AGMO: variants seen among roughly 807,000 people sequenced by gnomAD.
AGMO encodes the protein alkylglycerol monooxygenase.
A neutral mutation model predicts 60.2 loss-of-function variants in AGMO; 75 were observed. That is an observed-to-expected ratio of 1.25 (90% CI 1.03 to 1.51). AGMO has a LOEUF of 1.51. Ranked by LOEUF, AGMO falls within the 40% of genes most tolerant of loss-of-function variation. AGMO has a pLI of 0.00. For missense variants in AGMO, 763 were observed against 525.5 expected (o/e 1.45, Z -4.42); for synonymous variants, 261 against 177.1 (o/e 1.47, Z -3.76).
chr7:15,177,323 C>T, the AGMO span, among the ~76,000 whole-genome samples: 56,259 of 151,606 alleles, frequency 0.37, 11,104 homozygotes, highest in Middle Eastern at 0.47. Context: ...TTCTCTCTGG[C>T]CTTTATTTCT....
intron 12 of AGMO, among the ~76,000 whole-genome samples, chr7:15,202,487 A>AAAAAAAAAAAAAAAC (rs1781322160): frequency 7.2e-6 from 1 of 139,366 alleles, no homozygotes; most frequent in African/African-American, 2.7e-5. Context: ...AAAAAAAAAA[A>AAAAAAAAAAAAAAAC]AACCCTCCCA....
chr7:15,173,582 C>A, the AGMO span, among the ~76,000 whole-genome samples: 3 of 151,462 alleles, frequency 2.0e-5, no homozygotes, highest in Non-Finnish European at 4.4e-5. Context: ...GAAGACAATA[C>A]AATAAAAAAC....
chr7:15,436,647 G>C (rs1261459512), intron 3 of AGMO, among the ~76,000 whole-genome samples: 1 of 152,062 alleles, frequency 6.6e-6, no homozygotes, highest in Non-Finnish European at 1.5e-5. Flanking sequence ...AAATAAAATT[G>C]AAAGTAAGAA....
rs558464779 is a variant in AGMO, at chr7:15,343,566, T to C, written c.1263+21948A>G. ...GACTTATTACTATCAGGTATAGAAA[T>C]ATAATTTGAAAGATCAAATTACAAG... is the stretch of plus-strand genomic sequence containing the variant. On this transcript the variant is annotated intron_variant, in intron 12 of 12. Transcript: ENST00000342526. Among the ~76,000 whole-genome samples the C allele has an allele frequency of 1.0e-3, 154 of 152,154 alleles. 1 individual carries two copies. Among genetic ancestry groups the C allele is most frequent in the Non-Finnish European group, 1.8e-3 (124 of 68,002 alleles).
At chr7:15,414,626 A>G (rs968280509) in intron 5 of AGMO, among the ~76,000 whole-genome samples, 2 of 152,154 alleles carry the variant, frequency 1.3e-5, no homozygotes, top group African/African-American at 4.8e-5. Context: ...AAGAAAAAAA[A>G]TAGCACAAAT....
At chr7:15,203,086 G>A (rs941362348) in intron 12 of AGMO, among the ~76,000 whole-genome samples, 2 of 152,076 alleles carry the variant, frequency 1.3e-5, no homozygotes, top group African/African-American at 4.8e-5. Flanking sequence ...AGTCTTTATT[G>A]GTTACAAGGA....
Position 15,361,400 on chromosome 7 carries a change from C to T in AGMO, c.1263+4114G>A, listed in dbSNP as rs181545674. Among the ~76,000 whole-genome samples, 57 of 151,446 alleles carry T rather than the reference C, an allele frequency of 3.8e-4. No individual in the cohort carries two copies. In the East Asian group the frequency reaches 9.5e-3, roughly 25 times the overall value. On this transcript the variant is annotated intron_variant, in intron 12 of 12. Coordinates refer to ENST00000342526, the MANE Select transcript of AGMO (RefSeq NM_001004320.2). ...TAAAAATACAAAAAAATTAGCCGGGCGTGGTGGCGGGCACCTGTAGTCCCA... is the reference window on the plus strand; with the variant it reads ...TAAAAATACAAAAAAATTAGCCGGGTGTGGTGGCGGGCACCTGTAGTCCCA...
intron 3 of AGMO, among the ~76,000 whole-genome samples, chr7:15,543,430 C>A (rs1231767567): frequency 6.6e-6 from 1 of 152,110 alleles, no homozygotes; most frequent in African/African-American, 2.4e-5. Context: ...TGAACCAGTG[C>A]AGTAAGAGGG....
chr7:15,201,996 T>C (rs977518956), intron 12 of AGMO, among the ~76,000 whole-genome samples: 2 of 152,104 alleles, frequency 1.3e-5, no homozygotes, highest in African/African-American at 4.8e-5. Flanking sequence ...ACCATCAGAT[T>C]TCCCAAAAGT....
At chr7:15,284,759 T>C (rs1366483094) in intron 12 of AGMO, among the ~76,000 whole-genome samples, 1 of 151,536 alleles carries the variant, frequency 6.6e-6, no homozygotes. Flanking sequence ...TAGGAAAGTA[T>C]ATAACAACAA....
At chr7:15,391,276 A>T (rs985124986) in intron 6 of AGMO, among the ~76,000 whole-genome samples, 3 of 152,118 alleles carry the variant, frequency 2.0e-5, no homozygotes, top group African/African-American at 7.2e-5. Context: ...GATGTATATA[A>T]ATGTTTTTAT....
At chr7:15,282,361 A>G (rs764305387) in intron 12 of AGMO, among the ~76,000 whole-genome samples, 7 of 152,088 alleles carry the variant, frequency 4.6e-5, no homozygotes, top group African/African-American at 1.7e-4. Flanking sequence ...ATTTATAAAG[A>G]GATAGATATT....
chr7:15,367,790 C>G (rs1783044649), intron 10 of AGMO, among the ~76,000 whole-genome samples: 1 of 152,016 alleles, frequency 6.6e-6, no homozygotes, highest in African/African-American at 2.4e-5. Context: ...AGGTGTGATA[C>G]AACAGATTGG....
At position 15,322,559 on chromosome 7, in the gene AGMO, TATATAAATATATATAAATATATATAA is replaced by T. The variant is rs1563086318; in HGVS notation, c.1263+42929_1263+42954del. Among the ~76,000 whole-genome samples the T allele has an allele frequency of 5.2e-3, 247 of 47,812 alleles. 17 individuals are homozygous for T. Among genetic ancestry groups the T allele is most frequent in the African/African-American group, 0.028 (238 of 8,622 alleles). The allele number at this position is 47,812 out of a possible 152,430, so 31.4% of individuals were successfully genotyped here. A position where few individuals can be genotyped will look rare whatever the true frequency, so the allele number is the denominator to read the frequency against. ...AAATATATATATAAATATATATAAA[TATATAAATATATATAAATATATATAA>T]ATATATAAATATATATAAATATATA... On this transcript the variant is annotated intron_variant, in intron 12 of 12. Transcript: ENST00000342526.
chr7:15,153,409 CT>C, the AGMO span, among the ~76,000 whole-genome samples: 1 of 152,006 alleles, frequency 6.6e-6, no homozygotes, highest in Non-Finnish European at 1.5e-5. Context: ...ATCATGAAGC[CT>C]TTGCTTAAGC....
rs1056892943 is a variant in AGMO, at chr7:15,340,893, C to T, written c.1263+24621G>A. ...AGAAGAGGGCCACCGTTCTCGAGAC[C>T]GCAGAATGGTAGATTCACTGACAGC... On this transcript the variant is annotated intron_variant, in intron 12 of 12. Coordinates refer to ENST00000342526, the MANE Select transcript of AGMO (RefSeq NM_001004320.2). 5.3e-5 allele frequency among the ~76,000 whole-genome samples: 8 copies of T among 152,152 alleles called. No homozygotes were observed. In the East Asian group the frequency reaches 7.8e-4, roughly 15 times the overall value.
intron 3 of AGMO, among the ~76,000 whole-genome samples, chr7:15,441,832 A>AG (rs1019258952): frequency 2.0e-5 from 3 of 152,210 alleles, no homozygotes; most frequent in Non-Finnish European, 4.4e-5. Context: ...AGAGAAAAAA[A>AG]GAGCACTGAA....
chr7:15,396,529 G>GAA (rs1784393704), intron 5 of AGMO: 4 of 151,800 alleles, frequency 2.6e-5, no homozygotes, highest in Admixed American at 1.3e-4. Flanking sequence ...ATTGCAAAGA[G>GAA]CAAAAGAACA....
the AGMO span, among the ~76,000 whole-genome samples, chr7:15,130,721 T>C: frequency 6.6e-6 from 1 of 152,156 alleles, no homozygotes; most frequent in Admixed American, 6.6e-5. Context: ...TTTGTTAAAA[T>C]ATTGCTTAAA....
Sources: allele counts gnomAD v4.1 joint callset (sites outside exome capture counted in the v4.1 genomes callset), GRCh38; gene constraint gnomAD v4.1.1; transcripts MANE v1.5; gene names NCBI Gene and HGNC (gene_info 2026-07-23, HGNC 2026-07-21).